The following PAK4 variants were observed in gnomAD, a reference collection of about 807,000 sequenced individuals.
PAK4 encodes the protein serine/threonine-protein kinase PAK 4.
Under a neutral mutation model 53.5 loss-of-function variants are expected in PAK4, and 49 were observed. That is an observed-to-expected ratio of 0.92 (90% CI 0.73 to 1.16). The LOEUF is 1.16. PAK4 is among the 50% of genes most tolerant of loss of function. The pLI is 0.00. For synonymous variants in PAK4, 376 were observed against 375.6 expected (o/e 1.00, Z -0.01); for missense variants, 824 against 850.7 (o/e 0.97, Z 0.39).
At chr19:39,177,314 G>A (rs185305436) in intron 7 of PAK4, among the ~76,000 whole-genome samples, 1 of 152,312 alleles carries the variant, frequency 6.6e-6, no homozygotes, top group African/African-American at 2.4e-5. Context: ...GGTTGGCTCT[G>A]ATTGGCTCAG....
intron 1 of PAK4, among the ~76,000 whole-genome samples, chr19:39,138,640 C>T (rs1440855418): frequency 6.6e-6 from 1 of 152,212 alleles, no homozygotes. Flanking sequence ...TGGCTGAGGA[C>T]CTCATGGCGG....
At chr19:39,180,699 C>T (rs1175939670), downstream of PAK4, 1 of 152,254 alleles carries the variant, frequency 6.6e-6, no homozygotes, top group Admixed American at 6.5e-5. Context: ...CCACCTCAGC[C>T]TCCCAAAGTG....
chr19:39,173,243 A>G lies in PAK4; in HGVS notation c.530A>G (p.Lys177Arg). ...GGTCCCCAGGAGTCCTCCCGGGACAAACGCCCCCTCTCCGGGCCTGATGTC... is the reference window on the plus strand; with the variant it reads ...GGTCCCCAGGAGTCCTCCCGGGACAGACGCCCCCTCTCCGGGCCTGATGTC... Residue 177 changes from lysine (K) to arginine (R), a missense_variant, in exon 3 of 9, where the codon AAA becomes AGA. Lys to Arg is a conservative substitution (Grantham distance 26). This residue lies in a region of PAK4 where 478 missense variants were observed against 435.8 expected (regional missense o/e 1.10). Transcript: ENST00000358301. The surrounding 1 kb of genome is among the most constrained non-coding windows in gnomAD (Gnocchi z 6.9). 1 of 1,582,272 alleles carries G rather than the reference A, an allele frequency of 6.3e-7. No homozygotes were observed. Among genetic ancestry groups the G allele is most frequent in the Non-Finnish European group, 8.6e-7 (1 of 1,164,920 alleles).
chr19:39,159,795 T>C (rs1288375899), intron 1 of PAK4, among the ~76,000 whole-genome samples: 1 of 152,174 alleles, frequency 6.6e-6, no homozygotes, highest in Non-Finnish European at 1.5e-5. Flanking sequence ...AGAGGCCTGG[T>C]GGCGGGGACG....
chr19:39,167,110 G>T (rs1159082829), intron 1 of PAK4, among the ~76,000 whole-genome samples: 1 of 152,234 alleles, frequency 6.6e-6, no homozygotes, highest in African/African-American at 2.4e-5. Flanking sequence ...CCGTCCCCAG[G>T]TGTCCCCCAC....
exon 2 of PAK4, chr19:39,169,586 C>T (rs557624359): frequency 1.1e-5 from 17 of 1,613,870 alleles, no homozygotes; most frequent in Non-Finnish European, 1.4e-5. Flanking sequence ...GGGTGGAGAT[C>T]TCCGCGCCGT....
At position 39,155,831 on chromosome 19, in the gene PAK4, G is replaced by A. The variant is rs917905217; in HGVS notation, c.-22-13701G>A. Among the ~76,000 whole-genome samples, 12 of 152,228 alleles carry A rather than the reference G, an allele frequency of 7.9e-5. No individual in the cohort carries two copies. In the East Asian group the frequency reaches 2.1e-3, roughly 27 times the overall value. ...GTTTCCTCCATGATGAAAGGGGCCT[G>A]CTGAAGGACCTGTCTCATTTAGGGC... is the stretch of plus-strand genomic sequence containing the variant. On this transcript the variant is annotated intron_variant, in intron 1 of 8. Coordinates refer to ENST00000358301, the Ensembl canonical transcript of PAK4.
chr19:39,171,138 C>T (rs1482024059), intron 2 of PAK4, among the ~76,000 whole-genome samples: 1 of 152,212 alleles, frequency 6.6e-6, no homozygotes, highest in Admixed American at 6.5e-5. Context: ...TCCTGGGGCC[C>T]CATAGGCACT....
chr19:39,150,832 C>A (rs1600346742), intron 1 of PAK4, among the ~76,000 whole-genome samples: 2 of 152,380 alleles, frequency 1.3e-5, no homozygotes, highest in Non-Finnish European at 2.9e-5. Context: ...ACCACACCGT[C>A]CCCGTTCAGG....
At position 39,173,572 on chromosome 19, in the gene PAK4, T is replaced by C; in HGVS notation, c.664-4T>C. 6.6e-7 allele frequency: 1 copy of C among 1,519,084 alleles called. No individual in the cohort carries two copies. The highest frequency in any genetic ancestry group is 8.8e-7 in the Non-Finnish European group (1 of 1,135,010). The allele number at this position is 1,519,084 out of a possible 1,614,324, so 94.1% of individuals were successfully genotyped here. ...CACTGACAGCTACCTCTCTTCTGTT[T>C]CAGGGGGAGCCTCATGACGTGGCCC... On this transcript the variant is annotated splice_region_variant and splice_polypyrimidine_tract_variant and intron_variant, in intron 3 of 8. Coordinates refer to ENST00000358301, the Ensembl canonical transcript of PAK4. This position sits in a 1 kb window ranked among gnomAD's most constrained non-coding sequence, Gnocchi z 6.9.
At chr19:39,180,613 T>C (rs1037190713), downstream of PAK4, 1 of 151,976 alleles carries the variant, frequency 6.6e-6, no homozygotes, top group Admixed American at 6.6e-5. Flanking sequence ...CCAGGCTAAT[T>C]TTTTGTATTT....
chr19:39,155,434 A>T (rs2074162500), intron 1 of PAK4, among the ~76,000 whole-genome samples: 1 of 152,004 alleles, frequency 6.6e-6, no homozygotes, highest in Non-Finnish European at 1.5e-5. Flanking sequence ...AGGATACCTG[A>T]CCCAGCCTGG....
At chr19:39,158,463 G>T (rs1018035405) in intron 1 of PAK4, among the ~76,000 whole-genome samples, 3 of 152,182 alleles carry the variant, frequency 2.0e-5, no homozygotes, top group African/African-American at 7.2e-5. Context: ...CCCCTGCCCA[G>T]CCTCAGGCGA....
intron 1 of PAK4, among the ~76,000 whole-genome samples, chr19:39,157,455 C>T (rs1366278212): frequency 6.6e-6 from 1 of 152,104 alleles, no homozygotes. Flanking sequence ...ATCCATGGCT[C>T]TTCTGGGGCC....
chr19:39,155,611 G>T (rs1375848791), intron 1 of PAK4, among the ~76,000 whole-genome samples: 1 of 152,188 alleles, frequency 6.6e-6, no homozygotes, highest in Non-Finnish European at 1.5e-5. Context: ...TGCACTGGAG[G>T]TGGGATTTGA....
chr19:39,151,703 T>A (rs957215650), intron 1 of PAK4, among the ~76,000 whole-genome samples: 1 of 152,230 alleles, frequency 6.6e-6, no homozygotes, highest in Non-Finnish European at 1.5e-5. Flanking sequence ...TGTCTGTGGT[T>A]TCAGTTACCT....
chr19:39,175,258 C>A lies in PAK4; in HGVS notation c.1233-54C>A. 1 of 1,532,476 alleles carries A rather than the reference C, an allele frequency of 6.5e-7. No individual in the cohort carries two copies. The highest frequency in any genetic ancestry group is 8.8e-7 in the Non-Finnish European group (1 of 1,131,498). The allele number at this position is 1,532,476 out of a possible 1,614,324, so 94.9% of individuals were successfully genotyped here. A position where few individuals can be genotyped will look rare whatever the true frequency, so the allele number is the denominator to read the frequency against. On this transcript the variant is annotated intron_variant, in intron 5 of 8. Transcript: ENST00000358301. The surrounding 1 kb of genome is among the most constrained non-coding windows in gnomAD (Gnocchi z 4.7). Reference sequence around the variant, plus strand: ...CTGCAAGGCAGGGCTGCGTCCCCCTCGGCACCCCGGGGTGCTGTCCAGCTG... The same window carrying A: ...CTGCAAGGCAGGGCTGCGTCCCCCTAGGCACCCCGGGGTGCTGTCCAGCTG...
At chr19:39,167,276 G>A (rs990762700) in intron 1 of PAK4, among the ~76,000 whole-genome samples, 20 of 152,242 alleles carry the variant, frequency 1.3e-4, no homozygotes, top group Non-Finnish European at 2.6e-4. Context: ...CCTGGGCTGG[G>A]CATGGGGCCA....
intron 1 of PAK4, among the ~76,000 whole-genome samples, chr19:39,129,932 G>C (rs781554185): frequency 3.9e-5 from 6 of 152,094 alleles, no homozygotes; most frequent in Non-Finnish European, 8.8e-5. Context: ...TTCTTTCTGT[G>C]TATCTGACTG....
Sources: gnomAD v4.1 joint callset for allele counts (sites outside exome capture counted in the v4.1 genomes callset) on GRCh38, gnomAD v4.1.1 for gene constraint, gnomAD v4.1.1 regional missense constraint, Gnocchi (gnomAD v3.1) non-coding constraint, MANE v1.5 for transcripts, NCBI Gene and HGNC (gene_info 2026-07-23, HGNC 2026-07-21) for gene names.